The following MYO1D variants were observed in gnomAD, a reference collection of about 807,000 sequenced individuals.
The protein encoded by MYO1D is unconventional myosin-Id.
MYO1D carries 83 observed loss-of-function variants against 122.0 expected under a neutral mutation model. That is an observed-to-expected ratio of 0.68 (90% CI 0.57 to 0.82). The LOEUF is 0.82. MYO1D is among the 40% of genes least tolerant of loss of function. The probability of loss-of-function intolerance (pLI) is 0.00; values close to 1 mark genes in which losing one functional copy is unlikely to be tolerated. For synonymous variants in MYO1D, 464 were observed against 446.9 expected (o/e 1.04, Z -0.48); for missense variants, 1,157 against 1,269.5 (o/e 0.91, Z 1.35).
At chr17:32,701,562 T>C (rs556809096) in intron 16 of MYO1D, among the ~76,000 whole-genome samples, 86 of 152,236 alleles carry the variant, frequency 5.6e-4, no homozygotes, top group African/African-American at 2.0e-3. Context: ...CTTTTTAAAA[T>C]TTATTTCATT....
chr17:32,548,063 A>G (rs1309547067), intron 21 of MYO1D, among the ~76,000 whole-genome samples: 2 of 152,154 alleles, frequency 1.3e-5, no homozygotes, highest in Non-Finnish European at 1.5e-5. Flanking sequence ...CAGTTGCTAT[A>G]GAACCCTAAG....
At chr17:32,668,788 G>A (rs1402717237) in intron 16 of MYO1D, among the ~76,000 whole-genome samples, 4 of 150,968 alleles carry the variant, frequency 2.6e-5, no homozygotes, top group Admixed American at 2.6e-4. Flanking sequence ...TGCAAGCTCC[G>A]CCTCCCAGGT....
Position 32,867,798 on chromosome 17 carries a change from CAAAAAAAAAAA to C in MYO1D, c.95+8969_95+8979del, listed in dbSNP as rs5820001. The stretch of plus-strand genomic sequence containing the variant: ...TGGGCGACAGAGCAAGACTCCGTCT[CAAAAAAAAAAA>C]AAAAAAAAAAAAAAGAATTCAAGTA... On this transcript the variant is annotated intron_variant, in intron 1 of 21. Transcript: ENST00000318217. Among the ~76,000 whole-genome samples the C allele has an allele frequency of 8.2e-4, 44 of 53,934 alleles. 1 individual carries two copies. The South Asian group carries it at 0.04, about 48-fold the overall frequency. 35.4% of individuals were successfully genotyped at this position (53,934 alleles called of 152,430 possible).
At chr17:32,652,690 C>T (rs1042624376) in intron 19 of MYO1D, among the ~76,000 whole-genome samples, 1 of 152,040 alleles carries the variant, frequency 6.6e-6, no homozygotes, top group Non-Finnish European at 1.5e-5. Context: ...TGCCCAACTG[C>T]TATCATCTCC....
At chr17:32,687,814 A>G (rs1205091056) in intron 16 of MYO1D, among the ~76,000 whole-genome samples, 1 of 152,220 alleles carries the variant, frequency 6.6e-6, no homozygotes, top group Non-Finnish European at 1.5e-5. Context: ...ATTACCTAGT[A>G]TTGAATCATG....
intron 21 of MYO1D, among the ~76,000 whole-genome samples, chr17:32,563,014 C>T (rs1252494099): frequency 6.6e-6 from 1 of 152,078 alleles, no homozygotes; most frequent in East Asian, 1.9e-4. Context: ...CAGAACCTTA[C>T]TGCATTCTCG....
intron 1 of MYO1D, among the ~76,000 whole-genome samples, chr17:32,820,157 C>T (rs1227582405): frequency 6.6e-6 from 1 of 152,128 alleles, no homozygotes; most frequent in Non-Finnish European, 1.5e-5. Flanking sequence ...AACTCTTGCA[C>T]ACTGTTGGTG....
chr17:32,657,053 C>T (rs1324614483), intron 17 of MYO1D, among the ~76,000 whole-genome samples: 2 of 152,174 alleles, frequency 1.3e-5, no homozygotes, highest in African/African-American at 4.8e-5. Flanking sequence ...CCTAATCAAG[C>T]AAACTGCTGT....
chr17:32,610,908 C>T (rs1420089551), intron 20 of MYO1D, among the ~76,000 whole-genome samples: 2 of 152,180 alleles, frequency 1.3e-5, no homozygotes, highest in Non-Finnish European at 2.9e-5. Flanking sequence ...CAAGGCTCCC[C>T]CTGCCCCTGT....
intron 21 of MYO1D, chr17:32,510,378 C>T (rs1200969004): frequency 1.3e-5 from 2 of 152,322 alleles, no homozygotes; most frequent in Non-Finnish European, 2.9e-5. Flanking sequence ...ACTTTCACCA[C>T]TTGTAAGTTT....
intron 21 of MYO1D, among the ~76,000 whole-genome samples, chr17:32,601,475 GAAATGATTACAGTAATAAC>G (rs1407373857): frequency 1.3e-5 from 2 of 152,138 alleles, no homozygotes; most frequent in African/African-American, 4.8e-5. Flanking sequence ...GTGGTGCCCT[GAAATGATTACAGTAATAAC>G]AAAGATCACT....
intron 1 of MYO1D, among the ~76,000 whole-genome samples, chr17:32,854,105 A>C (rs2151083411): frequency 6.6e-6 from 1 of 152,368 alleles, no homozygotes. Context: ...TAGCAATATC[A>C]ACAACTTCAG....
chr17:32,707,178 A>G (rs886866531), intron 16 of MYO1D, among the ~76,000 whole-genome samples: 26 of 152,210 alleles, frequency 1.7e-4, no homozygotes, highest in African/African-American at 5.3e-4. Context: ...GATAGCTCCC[A>G]CAAATTCATA....
intron 21 of MYO1D, among the ~76,000 whole-genome samples, chr17:32,584,056 A>C (rs1469804596): frequency 2.0e-5 from 3 of 152,064 alleles, no homozygotes; most frequent in African/African-American, 7.2e-5. Flanking sequence ...CCCCAGCCTC[A>C]GCCTCCCAAA....
At chr17:32,747,577 C>T (rs1479199281) in intron 12 of MYO1D, among the ~76,000 whole-genome samples, 3 of 152,116 alleles carry the variant, frequency 2.0e-5, no homozygotes, top group Admixed American at 6.5e-5. Flanking sequence ...TGGCTCATGA[C>T]TGTAATCCTA....
At chr17:32,765,510 T>G (rs983542896) in intron 7 of MYO1D, among the ~76,000 whole-genome samples, 1 of 152,112 alleles carries the variant, frequency 6.6e-6, no homozygotes, top group African/African-American at 2.4e-5. Flanking sequence ...CAGGCTGGAG[T>G]GCAAGTGGTG....
chr17:32,762,961 T>TA (rs2090017323), intron 8 of MYO1D, among the ~76,000 whole-genome samples: 2 of 146,202 alleles, frequency 1.4e-5, no homozygotes, highest in Non-Finnish European at 3.0e-5. Flanking sequence ...CCGAGGAGGG[T>TA]GGATCACAAG....
intron 16 of MYO1D, among the ~76,000 whole-genome samples, chr17:32,677,311 G>T (rs1382993891): frequency 6.6e-6 from 1 of 151,932 alleles, no homozygotes; most frequent in Non-Finnish European, 1.5e-5. Flanking sequence ...TCCATGAATG[G>T]CAGCAGATTC....
At chr17:32,876,755 G>A in intron 1 of MYO1D, 23 bp downstream of exon 1, 4 of 1,488,086 alleles carry the variant, frequency 2.7e-6, no homozygotes, top group Non-Finnish European at 3.6e-6. Flanking sequence ...TCGCGCCCCT[G>A]CGCGCGGCCG....
Sources: gnomAD v4.1 joint callset for allele counts (sites outside exome capture counted in the v4.1 genomes callset) on GRCh38, gnomAD v4.1.1 for gene constraint, MANE v1.5 for transcripts, NCBI Gene and HGNC (gene_info 2026-07-23, HGNC 2026-07-21) for gene names.